LRRTM3: variants seen among roughly 807,000 people sequenced by gnomAD.
The protein encoded by LRRTM3 is leucine-rich repeat transmembrane neuronal protein 3.
In LRRTM3, 24 loss-of-function variants were observed where a neutral mutation model predicts 44.7. The ratio of observed to expected loss-of-function variants is 0.54; its 90% confidence interval spans 0.39 to 0.76. The LOEUF is 0.76. Among genes scored for constraint, LRRTM3 ranks in the 30% least tolerant of loss-of-function variants. LRRTM3 has a pLI of 0.00. For synonymous variants in LRRTM3, 277 were observed against 278.7 expected (o/e 0.99, Z 0.06); for missense variants, 587 against 702.2 (o/e 0.84, Z 1.85).
intron 2 of LRRTM3, among the ~76,000 whole-genome samples, chr10:66,940,291 T>C (rs1219010903): frequency 6.6e-6 from 1 of 152,056 alleles, no homozygotes; most frequent in Non-Finnish European, 1.5e-5. Context: ...ACTTGAGCTC[T>C]CAAGACCAGT....
At chr10:67,055,128 C>T (rs781656981) in intron 2 of LRRTM3, 8 of 151,978 alleles carry the variant, frequency 5.3e-5, no homozygotes, top group South Asian at 2.1e-4. Flanking sequence ...GTCCAAATTC[C>T]ACCTCTCCTG....
At chr10:66,998,059 G>T (rs72804675) in intron 2 of LRRTM3, among the ~76,000 whole-genome samples, 13,181 of 152,102 alleles carry the variant, frequency 0.087, 686 homozygotes, top group South Asian at 0.17. Context: ...CCCCATTCCA[G>T]CTCATTCTTC....
chr10:66,945,106 C>A (rs1188969152), intron 2 of LRRTM3, among the ~76,000 whole-genome samples: 3 of 152,154 alleles, frequency 2.0e-5, no homozygotes, highest in African/African-American at 7.2e-5. Flanking sequence ...ACAAGAGACT[C>A]AGCTTGTCCT....
At chr10:66,947,205 A>G (rs1848316270) in intron 2 of LRRTM3, among the ~76,000 whole-genome samples, 1 of 152,106 alleles carries the variant, frequency 6.6e-6, no homozygotes, top group Non-Finnish European at 1.5e-5. Flanking sequence ...TTTCCAAGGT[A>G]TGGCCCCAGG....
chr10:66,956,082 C>T (rs1848777156), intron 2 of LRRTM3, among the ~76,000 whole-genome samples: 1 of 152,084 alleles, frequency 6.6e-6, no homozygotes, highest in Admixed American at 6.6e-5. Flanking sequence ...TGTTCTTGTG[C>T]ATTTTGCAAA....
intron 2 of LRRTM3, among the ~76,000 whole-genome samples, chr10:66,970,360 T>TAC (rs1849648629): frequency 6.6e-6 from 1 of 152,130 alleles, no homozygotes; most frequent in African/African-American, 2.4e-5. Flanking sequence ...ATTACCTGCA[T>TAC]ACACAGTCAG....
chr10:67,009,523 T>TTTTG (rs142693561), intron 2 of LRRTM3, among the ~76,000 whole-genome samples: 2 of 152,046 alleles, frequency 1.3e-5, no homozygotes, highest in Admixed American at 6.6e-5. Context: ...TTTTCAGGCT[T>TTTTG]TTTGTTTGTT....
At chr10:67,026,479 A>G (rs1366146572) in intron 2 of LRRTM3, among the ~76,000 whole-genome samples, 3 of 152,120 alleles carry the variant, frequency 2.0e-5, no homozygotes, top group Non-Finnish European at 4.4e-5. Context: ...AAAGAAATAA[A>G]GCAGTGTTAT....
chr10:66,980,644 G>T (rs183795225), intron 2 of LRRTM3, among the ~76,000 whole-genome samples: 1 of 152,110 alleles, frequency 6.6e-6, no homozygotes, highest in African/African-American at 2.4e-5. Flanking sequence ...TTGCAAGCCC[G>T]CAATTCTGTT....
intron 2 of LRRTM3, among the ~76,000 whole-genome samples, chr10:67,016,957 A>G (rs1852696899): frequency 6.6e-6 from 1 of 152,174 alleles, no homozygotes; most frequent in Admixed American, 6.5e-5. Flanking sequence ...GGGATTTCTA[A>G]TTAGTTCACA....
chr10:66,983,996 C>T (rs951240950), intron 2 of LRRTM3, among the ~76,000 whole-genome samples: 4 of 152,140 alleles, frequency 2.6e-5, no homozygotes, highest in Admixed American at 6.5e-5. Flanking sequence ...TGATGATAAT[C>T]GAGGCTTAGG....
chr10:67,079,174 T>C (rs1332148053), intron 2 of LRRTM3, among the ~76,000 whole-genome samples: 1 of 152,240 alleles, frequency 6.6e-6, no homozygotes, highest in Non-Finnish European at 1.5e-5. Context: ...CTGCTGGCTG[T>C]ATTTTTTGTG....
At chr10:67,087,482 T>C (rs1857370534) in intron 2 of LRRTM3, among the ~76,000 whole-genome samples, 1 of 151,968 alleles carries the variant, frequency 6.6e-6, no homozygotes, top group African/African-American at 2.4e-5. Context: ...AAAAGTTTTA[T>C]ACATTTAGAT....
chr10:67,062,675 A>G (rs955857873), intron 2 of LRRTM3, among the ~76,000 whole-genome samples: 1 of 152,192 alleles, frequency 6.6e-6, no homozygotes, highest in Non-Finnish European at 1.5e-5. Flanking sequence ...TCAATTCTGC[A>G]TCATCTCTGC....
At chr10:66,951,878 G>T (rs2132724233) in intron 2 of LRRTM3, among the ~76,000 whole-genome samples, 1 of 152,246 alleles carries the variant, frequency 6.6e-6, no homozygotes, top group African/African-American at 2.4e-5. Flanking sequence ...TTTTCAGAAA[G>T]CCCATCTCCA....
intron 2 of LRRTM3, among the ~76,000 whole-genome samples, chr10:66,998,371 A>G (rs1011749901): frequency 6.6e-6 from 1 of 152,226 alleles, no homozygotes; most frequent in Non-Finnish European, 1.5e-5. Flanking sequence ...AGCATAGTTA[A>G]TGTAAAAGCA....
intron 2 of LRRTM3, among the ~76,000 whole-genome samples, chr10:67,059,577 C>G (rs1589677311): frequency 6.6e-6 from 1 of 152,190 alleles, no homozygotes; most frequent in Middle Eastern, 3.4e-3. Flanking sequence ...ATGACTGAGT[C>G]TTAAAGGATT....
Position 66,926,274 on chromosome 10 carries a change from C to T in LRRTM3, c.-310C>T. 2.1e-6 allele frequency: 1 copy of T among 467,020 alleles called. No individual in the cohort carries two copies. The highest frequency in any genetic ancestry group is 4.0e-6 in the Non-Finnish European group (1 of 252,506). The allele number at this position is 467,020 out of a possible 1,614,324, so 28.9% of individuals were successfully genotyped here. ...TTGTAGGATCCAGTTTTTTTTTTAA[C>T]CGCCCCCTCCCCACCCCCCAAAAAA... On this transcript the variant is annotated 5_prime_UTR_variant, in exon 1 of 3. Coordinates refer to ENST00000361320, the MANE Select transcript of LRRTM3 (RefSeq NM_178011.5).
chr10:67,042,295 T>A (rs1249416283), intron 2 of LRRTM3, among the ~76,000 whole-genome samples: 2 of 152,026 alleles, frequency 1.3e-5, no homozygotes, highest in African/African-American at 4.8e-5. Flanking sequence ...GGAATGACAT[T>A]TGAGAGGCAG....
Sources: gnomAD v4.1 joint callset for allele counts (sites outside exome capture counted in the v4.1 genomes callset) on GRCh38, gnomAD v4.1.1 for gene constraint, MANE v1.5 for transcripts, NCBI Gene and HGNC (gene_info 2026-07-23, HGNC 2026-07-21) for gene names.